Variants in SLC4A8 observed in about 807,000 individuals in gnomAD.
SLC4A8 encodes the protein electroneutral sodium bicarbonate exchanger 1.
A neutral mutation model predicts 125.0 loss-of-function variants in SLC4A8; 40 were observed. That is an observed-to-expected ratio of 0.32 (90% CI 0.25 to 0.42). The LOEUF (loss-of-function observed/expected upper bound fraction) is 0.42, where lower values mean the gene tolerates loss of function less well. Among genes scored for constraint, SLC4A8 ranks in the 10% least tolerant of loss-of-function variants. SLC4A8 has a pLI of 1.00. For synonymous variants in SLC4A8, 456 were observed against 476.0 expected (o/e 0.96, Z 0.55); for missense variants, 863 against 1,355.1 (o/e 0.64, Z 5.70).
chr12:51,403,172 G>GAAC, intron 1 of SLC4A8: 1 of 456,668 alleles, frequency 2.2e-6, no homozygotes, highest in South Asian at 1.5e-5. Context: ...TGTTCAACAA[G>GAAC]AACAACAGCA....
chr12:51,491,979 A>G (rs1467200407), intron 19 of SLC4A8, among the ~76,000 whole-genome samples: 1 of 152,212 alleles, frequency 6.6e-6, no homozygotes, highest in Non-Finnish European at 1.5e-5. Context: ...AAGAGTGAAT[A>G]GGAGATAAGG....
rs138378539 is a variant in SLC4A8 at position 51,492,473 on chromosome 12, A to G, written c.2701-1231A>G. Reference sequence around the variant, plus strand: ...CCCACTCCCACCTGGTTGAGGCACCATCTGGAAGAGCCTAAACGTTGCTGC... The same window carrying G: ...CCCACTCCCACCTGGTTGAGGCACCGTCTGGAAGAGCCTAAACGTTGCTGC... On this transcript the variant is annotated intron_variant, in intron 19 of 24. Coordinates refer to ENST00000453097, the MANE Select transcript of SLC4A8 (RefSeq NM_001039960.3). Among the ~76,000 whole-genome samples the G allele has an allele frequency of 4.9e-4, 74 of 152,234 alleles. No homozygotes were observed. The Middle Eastern group carries it at 0.02, about 42-fold the overall frequency.
intron 11 of SLC4A8, among the ~76,000 whole-genome samples, chr12:51,468,267 C>T (rs1007038928): frequency 2.6e-5 from 4 of 152,180 alleles, no homozygotes; most frequent in Admixed American, 2.0e-4. Flanking sequence ...GAGAGGGGCC[C>T]TGAAGTCCTG....
chr12:51,465,679 C>T (rs1405219645), intron 11 of SLC4A8, among the ~76,000 whole-genome samples: 4 of 152,156 alleles, frequency 2.6e-5, no homozygotes, highest in Admixed American at 2.6e-4. Flanking sequence ...GGAGATGCTT[C>T]CTCTTTCTGA....
At chr12:51,486,943 G>A (rs1284555206) in intron 17 of SLC4A8, among the ~76,000 whole-genome samples, 2 of 152,196 alleles carry the variant, frequency 1.3e-5, no homozygotes, top group African/African-American at 2.4e-5. Context: ...TTGCCTTTGT[G>A]TGAATGAGCA....
intron 21 of SLC4A8, 22 bp from the exon 22 acceptor site, chr12:51,496,963 CTT>C: frequency 1.4e-6 from 2 of 1,382,768 alleles, no homozygotes; most frequent in East Asian, 2.6e-5. Context: ...CTTTAATTCA[CTT>C]TTTTTTTTAA....
At chr12:51,421,530 G>T (rs969898839), upstream of SLC4A8, among the ~76,000 whole-genome samples, 1 of 152,152 alleles carries the variant, frequency 6.6e-6, no homozygotes, top group African/African-American at 2.4e-5. Context: ...AGAGAAGTCA[G>T]ATCCACCAGT....
In SLC4A8 at chr12:51,513,676, A is replaced by C. The variant is rs1938440474; in HGVS notation, c.*6238A>C. The C allele has an allele frequency of 6.6e-6, 1 of 152,284 alleles. No homozygotes were observed. Among genetic ancestry groups the C allele is most frequent in the African/African-American group, 2.4e-5 (1 of 41,426 alleles). 9.4% of individuals were successfully genotyped at this position (152,284 alleles called of 1,614,324 possible). On this transcript the variant is annotated 3_prime_UTR_variant, in exon 25 of 25. Transcript: ENST00000453097. ...CACCATGTTGGCCAGGATGGTCTTG[A>C]TCTCTTGACCTCATGATCCACCCGC...
At chr12:51,504,233 C>T (rs1422595257) in intron 23 of SLC4A8, 113 bp downstream of exon 23, 7 of 692,292 alleles carry the variant, frequency 1.0e-5, no homozygotes, top group Non-Finnish European at 1.8e-5. Context: ...GCTAAATATT[C>T]AGCCTCCCAG....
intron 1 of SLC4A8, among the ~76,000 whole-genome samples, chr12:51,417,404 T>C (rs1313596139): frequency 6.6e-6 from 1 of 151,952 alleles, no homozygotes; most frequent in Non-Finnish European, 1.5e-5. Flanking sequence ...TGGAGTGCAA[T>C]GGCATGATCT....
chr12:51,506,287 C>G (rs1170043008), intron 24 of SLC4A8, among the ~76,000 whole-genome samples: 1 of 152,122 alleles, frequency 6.6e-6, no homozygotes, highest in East Asian at 1.9e-4. Context: ...TAGGAAATTG[C>G]TAAAATATTC....
In SLC4A8 at chr12:51,425,052, C is replaced by T; in HGVS notation, c.48+17C>T. ...AGCTATCAGGTAGGGCCCCGCCTCC[C>T]GCGCCTCCCGCTCCTCCCCGGGGCG... On this transcript the variant is annotated intron_variant, in intron 1 of 24. Transcript: ENST00000453097. 1.9e-6 allele frequency: 3 copies of T among 1,544,268 alleles called. No individual in the cohort carries two copies. The highest frequency in any genetic ancestry group is 2.6e-6 in the Non-Finnish European group (3 of 1,145,618).
chr12:51,465,209 T>C (rs773392559), intron 11 of SLC4A8, among the ~76,000 whole-genome samples: 4 of 152,170 alleles, frequency 2.6e-5, no homozygotes, highest in Admixed American at 6.5e-5. Flanking sequence ...ATGGATTTGA[T>C]ATTTCAAAAT....
intron 4 of SLC4A8, among the ~76,000 whole-genome samples, chr12:51,452,988 T>C (rs1950015092): frequency 6.6e-6 from 1 of 152,228 alleles, no homozygotes; most frequent in Non-Finnish European, 1.5e-5. Flanking sequence ...GTGAATGTTA[T>C]GGGCTGAGAG....
intron 16 of SLC4A8, among the ~76,000 whole-genome samples, 189 bp downstream of exon 16, chr12:51,475,395 T>C (rs1042172016): frequency 2.0e-5 from 3 of 152,192 alleles, no homozygotes; most frequent in African/African-American, 7.2e-5. Flanking sequence ...GAATGAAGGG[T>C]TAATACTTAA....
chr12:51,436,134 C>T lies in SLC4A8; in HGVS notation c.49-4574C>T, dbSNP rs555237199. On this transcript the variant is annotated intron_variant, in intron 1 of 24. Transcript: ENST00000453097. ...TACCTTTTGTCTTAAAACTGTATCT[C>T]CTTTCTCTCTTGCCGAGAATCCCAG... Among the ~76,000 whole-genome samples the T allele has an allele frequency of 7.6e-4, 115 of 152,302 alleles. 1 individual carries two copies. Among genetic ancestry groups the T allele is most frequent in the Middle Eastern group, 3.4e-3 (1 of 294 alleles).
In SLC4A8 at chr12:51,450,909, C is replaced by T. The variant is rs755104781; in HGVS notation, c.164C>T (p.Pro55Leu). 10 of 1,612,728 alleles carry T rather than the reference C, an allele frequency of 6.2e-6. No individual in the cohort carries two copies. The highest frequency in any genetic ancestry group is 1.7e-5 in the Admixed American group (1 of 59,898). ...HRTLYVGVRM[P>L]LGRQSHRHHR... The stretch of plus-strand genomic sequence containing the variant: ...ACTCTGTATGTGGGAGTTCGGATGC[C>T]GCTTGGCCGGCAGAGCCATCGGCAT... The change falls in exon 3 of 25, where the codon CCG becomes CTG. Residue 55 changes from proline to leucine, a missense_variant. By Grantham distance (98) the Pro-to-Leu change is moderately conservative. Transcript: ENST00000453097.
At chr12:51,486,410 C>T (rs756002350) in intron 17 of SLC4A8, among the ~76,000 whole-genome samples, 27 of 152,144 alleles carry the variant, frequency 1.8e-4, no homozygotes, top group Non-Finnish European at 3.2e-4. Flanking sequence ...GGGCCCCTGC[C>T]GGAGTAATCA....
intron 2 of SLC4A8, among the ~76,000 whole-genome samples, chr12:51,448,005 C>T (rs187514307): frequency 1.3e-4 from 20 of 152,330 alleles, no homozygotes; most frequent in African/African-American, 4.6e-4. Context: ...AGGCGTGAGC[C>T]ACCACGTCCG....
Sources: gnomAD v4.1 joint callset for allele counts (sites outside exome capture counted in the v4.1 genomes callset) on GRCh38, gnomAD v4.1.1 for gene constraint, MANE v1.5 for transcripts, NCBI Gene and HGNC (gene_info 2026-07-23, HGNC 2026-07-21) for gene names.